The following UBR4 variants were observed in gnomAD, a reference collection of about 807,000 sequenced individuals.
The protein encoded by UBR4 is E3 ubiquitin-protein ligase UBR4.
In UBR4, 124 loss-of-function variants were observed where a neutral mutation model predicts 575.6. The observed-to-expected ratio is 0.22, with a 90% CI of 0.19 to 0.25. The LOEUF (loss-of-function observed/expected upper bound fraction) is 0.25, where lower values mean the gene tolerates loss of function less well. Ranked by LOEUF, UBR4 falls within the 10% of genes least tolerant of loss-of-function variation. The pLI is 1.00. For missense variants in UBR4, 4,818 were observed against 6,478.8 expected (o/e 0.74, Z 8.80); for synonymous variants, 2,455 against 2,473.7 (o/e 0.99, Z 0.22).
rs942809649 is a variant in UBR4, at chr1:19,089,078, T to G, written c.14212-101A>C. The G allele has an allele frequency of 2.7e-6, 3 of 1,127,300 alleles. No homozygotes were observed. The highest frequency in any genetic ancestry group is 3.1e-5 in the African/African-American group (2 of 64,508). 69.8% of individuals were successfully genotyped at this position (1,127,300 alleles called of 1,614,324 possible). On this transcript the variant is annotated intron_variant, in intron 97 of 105. Transcript: ENST00000375254. The surrounding 1 kb of genome is among the most constrained non-coding windows in gnomAD (Gnocchi z 4.3). The stretch of plus-strand genomic sequence containing the variant: ...AGAAACTCAACCAGCATGCACCATC[T>G]CATGTCACCTGCTCAGCTGCAATCA...
At chr1:19,188,317 G>A (rs901962527) in intron 11 of UBR4, among the ~76,000 whole-genome samples, 17 of 152,200 alleles carry the variant, frequency 1.1e-4, no homozygotes, top group African/African-American at 3.6e-4. Context: ...ACTTGGGGAG[G>A]CCAAGGTGGG....
Position 19,076,813 on chromosome 1 carries a change from G to A in UBR4, c.15414C>T (p.Ala5138=), listed in dbSNP as rs769482416. 1.4e-5 allele frequency: 23 copies of A among 1,613,612 alleles called. No individual in the cohort carries two copies. The highest frequency in any genetic ancestry group is 6.7e-5 in the Admixed American group (4 of 59,894). The change falls in exon 105 of 106, where the codon GCC becomes GCT. Residue 5138 remains alanine, a synonymous_variant. Transcript: ENST00000375254. ...CCTGGAAGGTTTTCAGGGCTTTGTC[G>A]GCAGCTTCGTAGATGGGCATGTCGT... ...RHNDMPIYEA[A]DKALKTFQEE... is the part of the protein sequence containing the mutation.
intron 37 of UBR4, 146 bp downstream of exon 37, chr1:19,161,443 C>T (rs1374234710): frequency 8.4e-7 from 1 of 1,187,884 alleles, no homozygotes; most frequent in African/African-American, 1.5e-5. Flanking sequence ...GTCCTTAGGC[C>T]ACAACTGTGC....
chr1:19,123,107 T>A, intron 65 of UBR4, 47 bp from the exon 66 acceptor site: 1 of 1,591,426 alleles, frequency 6.3e-7, no homozygotes, highest in Non-Finnish European at 8.6e-7. Flanking sequence ...TGGGACTGTA[T>A]CTATATCAAC....
At position 19,084,739 on chromosome 1, in the gene UBR4, C is replaced by A. The variant is rs770080509; in HGVS notation, c.14814-41G>T. ...ACAAACAATGAAATGGAAGTGAGTT[C>A]CTGGTGAAAACCCAGTTTGGGAGAC... On this transcript the variant is annotated intron_variant, in intron 101 of 105. Transcript: ENST00000375254. The A allele has an allele frequency of 2.2e-5, 34 of 1,560,766 alleles. 1 individual carries two copies. In the East Asian group the frequency reaches 6.9e-4, roughly 32 times the overall value.
chr1:19,150,816 T>G (rs1334381021), intron 48 of UBR4, 23 bp from the exon 49 acceptor site: 3 of 1,610,914 alleles, frequency 1.9e-6, no homozygotes, highest in Non-Finnish European at 1.7e-6. Flanking sequence ...AGAGAGGCCT[T>G]TAGGAAGCAC....
chr1:19,124,764 T>C, intron 64 of UBR4, 74 bp from the exon 65 acceptor site: 2 of 1,558,018 alleles, frequency 1.3e-6, no homozygotes, highest in Non-Finnish European at 1.7e-6. Context: ...AAAGCCTGGC[T>C]CATTAGACGT....
chr1:19,188,027 A>AAATTAAAT (rs1306656263), intron 11 of UBR4, among the ~76,000 whole-genome samples: 2 of 113,640 alleles, frequency 1.8e-5, no homozygotes, highest in African/African-American at 6.7e-5. Flanking sequence ...TCAAAACAAA[A>AAATTAAAT]AATTAAATAA....
At position 19,140,896 on chromosome 1, in the gene UBR4, G is replaced by A. The variant is rs1226224927; in HGVS notation, c.8489-4C>T. 3 of 1,602,334 alleles carry A rather than the reference G, an allele frequency of 1.9e-6. No homozygotes were observed. The Admixed American group carries it at 5.1e-5, about 27-fold the overall frequency. On this transcript the variant is annotated splice_region_variant and splice_polypyrimidine_tract_variant and intron_variant, in intron 57 of 105. Coordinates refer to ENST00000375254, the MANE Select transcript of UBR4 (RefSeq NM_020765.3). The stretch of plus-strand genomic sequence containing the variant: ...CCCAGGGCACTGCTGCTGCTGCCTG[G>A]GAAACAAGTGGAGAGTGAGCACAAC...
rs148610416 is a variant in UBR4 at position 19,141,573 on chromosome 1, G to C, written c.8311-49C>G. The C allele has an allele frequency of 4.1e-4, 648 of 1,598,280 alleles. 3 individuals are homozygous for C. In the African/African-American group the frequency reaches 7.2e-3, roughly 18 times the overall value. ...TGTCCCATGGTAAGTGGTAACTTTT[G>C]GAAGTCCACTGAATAAGAGCTAGAG... On this transcript the variant is annotated intron_variant, in intron 56 of 105. Transcript: ENST00000375254.
In UBR4 at chr1:19,084,501, G is replaced by C; in HGVS notation, c.15008+3C>G. On this transcript the variant is annotated splice_donor_region_variant and intron_variant, in intron 102 of 105. Coordinates refer to ENST00000375254, the MANE Select transcript of UBR4 (RefSeq NM_020765.3). ...TGCCGCCCCTGGGACACAGGGTACT[G>C]ACGTGTTCAGGACGTAAAGCACAGT... 1.2e-6 allele frequency: 2 copies of C among 1,607,750 alleles called. No homozygotes were observed. Among genetic ancestry groups the C allele is most frequent in the Non-Finnish European group, 1.7e-6 (2 of 1,175,390 alleles).
rs2081546504 is a variant in UBR4 at position 19,124,814 on chromosome 1, G to A, written c.9439-124C>T. On this transcript the variant is annotated intron_variant, in intron 64 of 105. Transcript: ENST00000375254. ...GTGGTAAAGGGTGCCTTTCAGAGCT[G>A]GAATCAAGACTGACTGACAGTTTAT... 3.9e-6 allele frequency: 5 copies of A among 1,271,218 alleles called. No homozygotes were observed. In the South Asian group the frequency reaches 4.5e-5, roughly 11 times the overall value. 78.7% of individuals were successfully genotyped at this position (1,271,218 alleles called of 1,614,324 possible). A position where few individuals can be genotyped will look rare whatever the true frequency, so the allele number is the denominator to read the frequency against.
At position 19,197,980 on chromosome 1, in the gene UBR4, T is replaced by G; in HGVS notation, c.718A>C (p.Ile240Leu). 1 of 1,614,218 alleles carries G rather than the reference T, an allele frequency of 6.2e-7. No homozygotes were observed. The highest frequency in any genetic ancestry group is 8.5e-7 in the Non-Finnish European group (1 of 1,180,040). ...TGAAGACTAGCCACGTTCTGAGCTATGAACACATTCTTGGTTTTGATAGCT... is the reference window on the plus strand; with the variant it reads ...TGAAGACTAGCCACGTTCTGAGCTAGGAACACATTCTTGGTTTTGATAGCT... Reference protein sequence around the residue: ...ASAIKTKNVFIAQNVASLQEL... With the variant: ...ASAIKTKNVFLAQNVASLQEL... The change falls in exon 6 of 106, where the codon ATA (isoleucine) becomes CTA (leucine). Residue 240 changes from isoleucine (I) to leucine (L), a missense_variant. This residue lies in a region of UBR4 where 83 missense variants were observed against 77.3 expected (regional missense o/e 1.07). Coordinates refer to ENST00000375254, the MANE Select transcript of UBR4 (RefSeq NM_020765.3).
intron 105 of UBR4, among the ~76,000 whole-genome samples, chr1:19,076,093 C>T (rs961093927): frequency 6.6e-6 from 1 of 152,202 alleles, no homozygotes; most frequent in Admixed American, 6.5e-5. Context: ...CCTCCCCCTG[C>T]TGTCACTTGG....
At chr1:19,190,153 G>GCCC (rs2091931052) in intron 11 of UBR4, among the ~76,000 whole-genome samples, 1 of 151,198 alleles carries the variant, frequency 6.6e-6, no homozygotes, top group African/African-American at 2.4e-5. Context: ...AATCAGCTGG[G>GCCC]CATGGTGGTA....
intron 51 of UBR4, among the ~76,000 whole-genome samples, chr1:19,147,722 GCTCAATATCC>G (rs60506187): frequency 0.096 from 14,614 of 152,052 alleles, 769 homozygotes; most frequent in Non-Finnish European, 0.12. Context: ...GGCTACCCAC[GCTCAATATCC>G]CTCCTTCTCT....
intron 19 of UBR4, 44 bp downstream of exon 19, chr1:19,177,417 G>C: frequency 6.3e-7 from 1 of 1,596,706 alleles, no homozygotes; most frequent in East Asian, 2.2e-5. Context: ...GAAGAATAAA[G>C]TTCTCAGTAA....
At chr1:19,083,984 T>A (rs977909895) in intron 102 of UBR4, among the ~76,000 whole-genome samples, 2 of 152,226 alleles carry the variant, frequency 1.3e-5, no homozygotes, top group African/African-American at 2.4e-5. Flanking sequence ...GCCAGAAGCA[T>A]TACCCACTGT....
At chr1:19,077,590 G>A (rs546453812) in intron 104 of UBR4, among the ~76,000 whole-genome samples, 10 of 152,084 alleles carry the variant, frequency 6.6e-5, no homozygotes, top group Admixed American at 2.6e-4. Flanking sequence ...AAAATTAGCC[G>A]GGCGTGGTGG....
Sources: gnomAD v4.1 joint callset for allele counts (sites outside exome capture counted in the v4.1 genomes callset) on GRCh38, gnomAD v4.1.1 for gene constraint, gnomAD v4.1.1 regional missense constraint, Gnocchi (gnomAD v3.1) non-coding constraint, MANE v1.5 for transcripts, NCBI Gene and HGNC (gene_info 2026-07-23, HGNC 2026-07-21) for gene names.